ITGB8: variants seen among roughly 807,000 people sequenced by gnomAD.
ITGB8 encodes the protein integrin beta-8.
In ITGB8, 30 loss-of-function variants were observed where a neutral mutation model predicts 89.5. The observed-to-expected ratio is 0.34, with a 90% confidence interval of 0.25 to 0.45. The LOEUF (loss-of-function observed/expected upper bound fraction) is 0.45, where lower values mean the gene tolerates loss of function less well. Among genes scored for constraint, ITGB8 ranks in the 20% least tolerant of loss-of-function variants. The probability of loss-of-function intolerance (pLI) is 1.00; values close to 1 mark genes in which losing one functional copy is unlikely to be tolerated. For synonymous variants in ITGB8, 335 were observed against 320.4 expected (o/e 1.05, Z -0.49); for missense variants, 836 against 933.3 (o/e 0.90, Z 1.36).
rs1787894785 is a variant in ITGB8, at chr7:20,415,377, G to T, written c.*5380G>T. On this transcript the variant is annotated 3_prime_UTR_variant, in exon 14 of 14. Coordinates refer to ENST00000222573, the MANE Select transcript of ITGB8 (RefSeq NM_002214.3). ...CGTTTGTAAAAATAAATTTAATATA[G>T]AATATATTTTTAAATTAAATATTTG... 3 of 151,600 alleles carry T rather than the reference G, an allele frequency of 2.0e-5. No individual in the cohort carries two copies. The South Asian group carries it at 6.2e-4, about 31-fold the overall frequency. The allele number at this position is 151,600 out of a possible 1,614,324, so 9.4% of individuals were successfully genotyped here.
chr7:20,382,163 C>T lies in ITGB8; in HGVS notation c.960+278C>T, dbSNP rs921732249. On this transcript the variant is annotated intron_variant, in intron 6 of 13. Transcript: ENST00000222573. ...AAAATAAAAATGATACAAGATTTTACTTTTTATGTAATTCTAAGACAGGGG... is the reference window on the plus strand; with the variant it reads ...AAAATAAAAATGATACAAGATTTTATTTTTTATGTAATTCTAAGACAGGGG... 3.0e-5 allele frequency: 8 copies of T among 269,752 alleles called. No individual in the cohort carries two copies. In the East Asian group the frequency reaches 5.2e-4, roughly 17 times the overall value. 16.7% of individuals were successfully genotyped at this position (269,752 alleles called of 1,614,324 possible).
intron 4 of ITGB8, chr7:20,380,107 A>T (rs373798689): frequency 1.3e-5 from 2 of 153,262 alleles, no homozygotes; most frequent in Non-Finnish European, 1.5e-5. Context: ...GCATCCATCA[A>T]TGGAGTTTCA....
chr7:20,365,373 G>GA (rs1182123774), intron 2 of ITGB8: 2 of 152,212 alleles, frequency 1.3e-5, no homozygotes. Context: ...TTTATGTATT[G>GA]AAAGAGCAGG....
At chr7:20,359,573 G>A (rs2128135193) in intron 1 of ITGB8, among the ~76,000 whole-genome samples, 1 of 152,264 alleles carries the variant, frequency 6.6e-6, no homozygotes. Flanking sequence ...GTCCGTGTCT[G>A]TAAACAGCAG....
At chr7:20,353,889 G>A (rs1368239127) in intron 1 of ITGB8, among the ~76,000 whole-genome samples, 1 of 110,908 alleles carries the variant, frequency 9.0e-6, no homozygotes, top group Non-Finnish European at 1.6e-5. Context: ...CCGAGATCGC[G>A]CCACTGCACT....
intron 1 of ITGB8, among the ~76,000 whole-genome samples, chr7:20,353,624 GA>G (rs1189876290): frequency 6.6e-6 from 1 of 152,084 alleles, no homozygotes; most frequent in Admixed American, 6.6e-5. Context: ...CACAATATCA[GA>G]AGACCAAGTG....
chr7:20,396,630 GA>G (rs572108523), intron 8 of ITGB8, among the ~76,000 whole-genome samples: 1 of 152,154 alleles, frequency 6.6e-6, no homozygotes, highest in Non-Finnish European at 1.5e-5. Context: ...ACTTATCACA[GA>G]AAATCAAATG....
chr7:20,351,393 C>T (rs1785107636), intron 1 of ITGB8, among the ~76,000 whole-genome samples: 1 of 152,194 alleles, frequency 6.6e-6, no homozygotes, highest in Admixed American at 6.5e-5. Flanking sequence ...ACTTAGCCTC[C>T]CTAAGCTGTA....
At chr7:20,343,555 T>C (rs1010162931) in intron 1 of ITGB8, among the ~76,000 whole-genome samples, 3 of 152,192 alleles carry the variant, frequency 2.0e-5, no homozygotes, top group African/African-American at 7.2e-5. Context: ...TGCCATGGCT[T>C]AATTGCAAGT....
chr7:20,381,309 C>G (rs537471098), intron 5 of ITGB8: 2 of 155,316 alleles, frequency 1.3e-5, no homozygotes, highest in African/African-American at 4.8e-5. Context: ...ACTACAGGCG[C>G]CCGCCACCAC....
intron 8 of ITGB8, among the ~76,000 whole-genome samples, 185 bp downstream of exon 8, chr7:20,395,170 C>T (rs931098535): frequency 8.5e-5 from 13 of 152,352 alleles, no homozygotes; most frequent in African/African-American, 3.1e-4. Context: ...AAAGTTATTT[C>T]TGCTTTCTGT....
rs1382940273 is a variant in ITGB8, at chr7:20,412,959, C to T, written c.*2962C>T. Reference sequence around the variant, plus strand: ...TTTAAATTGTTAACAGAATTGAGAACTTGAACAACACTTTTAGTACTGCAG... The same window carrying T: ...TTTAAATTGTTAACAGAATTGAGAATTTGAACAACACTTTTAGTACTGCAG... On this transcript the variant is annotated 3_prime_UTR_variant, in exon 14 of 14. Transcript: ENST00000222573. 2.0e-5 allele frequency: 3 copies of T among 152,456 alleles called. No homozygotes were observed. The highest frequency in any genetic ancestry group is 4.8e-5 in the African/African-American group (2 of 41,428). The allele number at this position is 152,456 out of a possible 1,614,324, so 9.4% of individuals were successfully genotyped here.
intron 12 of ITGB8, among the ~76,000 whole-genome samples, chr7:20,407,632 GA>G (rs1357610068): frequency 6.6e-6 from 1 of 152,120 alleles, no homozygotes; most frequent in Non-Finnish European, 1.5e-5. Flanking sequence ...ACTTGGCTCT[GA>G]AAAAAGCCCC....
At position 20,404,645 on chromosome 7, in the gene ITGB8, G is replaced by T; in HGVS notation, c.1705G>T (p.Ala569Ser). ...CCTCACAGGGCATGGAGAGTGTGAA[G>T]CAGGCAGATGCCAATGCTTCAGTGG... ...NLCAGHGECE[A>S]GRCQCFSGWE... Residue 569 changes from alanine (A) to serine (S), a missense_variant, in exon 11 of 14, where the codon GCA becomes TCA. Physicochemically the swap from Ala to Ser is moderately conservative, Grantham distance 99 (BLOSUM62 1). Coordinates refer to ENST00000222573, the MANE Select transcript of ITGB8 (RefSeq NM_002214.3). 1.2e-6 allele frequency: 2 copies of T among 1,613,964 alleles called. No individual in the cohort carries two copies.
chr7:20,401,688 A>G, intron 9 of ITGB8, 33 bp from the exon 10 acceptor site: 1 of 1,288,844 alleles, frequency 7.8e-7, no homozygotes, highest in Non-Finnish European at 1.1e-6. Context: ...ATTAAGGTAT[A>G]TAAATATATT....
intron 12 of ITGB8, among the ~76,000 whole-genome samples, chr7:20,409,378 A>G (rs1356143855): frequency 6.6e-6 from 1 of 152,242 alleles, no homozygotes; most frequent in African/African-American, 2.4e-5. Flanking sequence ...GAATACCTTA[A>G]TCATGGCTAT....
At position 20,411,670 on chromosome 7, in the gene ITGB8, G is replaced by A. The variant is rs1787766564; in HGVS notation, c.*1673G>A. 3 of 152,640 alleles carry A rather than the reference G, an allele frequency of 2.0e-5. No homozygotes were observed. The highest frequency in any genetic ancestry group is 6.5e-5 in the Admixed American group (1 of 15,286). The allele number at this position is 152,640 out of a possible 1,614,324, so 9.5% of individuals were successfully genotyped here. ...TCAATGTGATTTACTCATGTCTTAA[G>A]TGTATGAGGAAAGTTCAAAGCAAAA... is the stretch of plus-strand genomic sequence containing the variant. On this transcript the variant is annotated 3_prime_UTR_variant, in exon 14 of 14. Transcript: ENST00000222573.
At chr7:20,344,341 G>T (rs1321547104) in intron 1 of ITGB8, among the ~76,000 whole-genome samples, 2 of 152,096 alleles carry the variant, frequency 1.3e-5, no homozygotes, top group African/African-American at 4.8e-5. Flanking sequence ...TTAACTGAAG[G>T]TTCCAGCTAT....
At chr7:20,367,214 A>G (rs1012080069) in intron 3 of ITGB8, 28 bp downstream of exon 3, 3 of 1,513,504 alleles carry the variant, frequency 2.0e-6, no homozygotes, top group East Asian at 2.3e-5. Context: ...TAAATCTATA[A>G]TGATTCTTAA....
Sources: allele counts gnomAD v4.1 joint callset (sites outside exome capture counted in the v4.1 genomes callset), GRCh38; gene constraint gnomAD v4.1.1; transcripts MANE v1.5; gene names NCBI Gene and HGNC (gene_info 2026-07-23, HGNC 2026-07-21).